The following TMCC3 variants were observed in gnomAD, a reference collection of about 807,000 sequenced individuals.
TMCC3 encodes transmembrane and coiled-coil domain family 3.
A neutral mutation model predicts 40.2 loss-of-function variants in TMCC3; 28 were observed. That is an observed-to-expected ratio of 0.70 (90% CI 0.52 to 0.95). TMCC3 has a LOEUF of 0.95. Ranked by LOEUF, TMCC3 falls within the 40% of genes least tolerant of loss-of-function variation. The pLI, the probability that TMCC3 is intolerant of heterozygous loss-of-function variation, is 0.00. For missense variants in TMCC3, 554 were observed against 615.2 expected (o/e 0.90, Z 1.05); for synonymous variants, 255 against 248.5 (o/e 1.03, Z -0.25).
At chr12:94,637,975 C>T (rs145893794) in intron 1 of TMCC3, among the ~76,000 whole-genome samples, 1 of 152,268 alleles carries the variant, frequency 6.6e-6, no homozygotes, top group East Asian at 1.9e-4. Context: ...GAGGATGGGG[C>T]AGGTACCCAC....
rs181499284 is a variant in TMCC3 at position 94,581,222 on chromosome 12, T to C, written c.995+400A>G. Among the ~76,000 whole-genome samples the C allele has an allele frequency of 2.8e-3, 424 of 152,360 alleles. 2 individuals carry two copies. The highest frequency in any genetic ancestry group is 5.2e-3 in the Non-Finnish European group (355 of 68,034). On this transcript the variant is annotated intron_variant, in intron 2 of 3. Coordinates refer to ENST00000261226, the MANE Select transcript of TMCC3 (RefSeq NM_020698.4). ...ATAGCTTGAAGGTAAAAGTGTACCA[T>C]ATTTTAAATAATTTTGTGCCTCAAG...
At position 94,632,872 on chromosome 12, in the gene TMCC3, C is replaced by T. The variant is rs148168736; in HGVS notation, c.78+17481G>A. Among the ~76,000 whole-genome samples the T allele has an allele frequency of 5.5e-3, 841 of 152,174 alleles. 8 individuals carry two copies. Among genetic ancestry groups the T allele is most frequent in the African/African-American group, 0.019 (792 of 41,518 alleles). On this transcript the variant is annotated intron_variant, in intron 1 of 3. Coordinates refer to ENST00000261226, the MANE Select transcript of TMCC3 (RefSeq NM_020698.4). ...ATGGTGTTCCAACACTTTGGGAAGC[C>T]GAGGCAGGCAGATCACTTGAGGTCA...
rs774498167 is a variant in TMCC3, at chr12:94,599,383, G to A, written c.79-16845C>T. On this transcript the variant is annotated intron_variant, in intron 1 of 3. Transcript: ENST00000261226. ...TCAACAGAAGCCAATCATTGTCCCCGCCGCCCCCACATGCACGGAGTATTT... is the reference window on the plus strand; with the variant it reads ...TCAACAGAAGCCAATCATTGTCCCCACCGCCCCCACATGCACGGAGTATTT... 2.0e-5 allele frequency among the ~76,000 whole-genome samples: 3 copies of A among 152,038 alleles called. No individual in the cohort carries two copies. The South Asian group carries it at 6.2e-4, about 31-fold the overall frequency.
Position 94,581,745 on chromosome 12 carries a change from A to C in TMCC3, c.872T>G (p.Leu291Arg). The change falls in exon 2 of 4, where the codon CTG (leucine) becomes CGG (arginine). Residue 291 changes from leucine (L) to arginine (R), a missense_variant. Physicochemically the swap from Leu to Arg is moderately radical, Grantham distance 102. Coordinates refer to ENST00000261226, the MANE Select transcript of TMCC3 (RefSeq NM_020698.4). The stretch of plus-strand genomic sequence containing the variant: ...ATCCTTGATCTCCCTCAGTTCCTCC[A>C]GGATCACGGCGAGCTTGCCCTGGCT... ...LDSQGKLAVI[L>R]EELREIKDTQ... 6.2e-7 allele frequency: 1 copy of C among 1,614,182 alleles called. No homozygotes were observed. The highest frequency in any genetic ancestry group is 1.1e-5 in the South Asian group (1 of 91,086).
chr12:94,646,915 G>A (rs747395244), intron 1 of TMCC3, among the ~76,000 whole-genome samples: 1 of 152,032 alleles, frequency 6.6e-6, no homozygotes, highest in African/African-American at 2.4e-5. Flanking sequence ...TACAACCCAC[G>A]TAGGTCCAGA....
At position 94,581,822 on chromosome 12, in the gene TMCC3, G is replaced by C. The variant is rs199809604; in HGVS notation, c.795C>G (p.Ala265=). 1.2e-6 allele frequency: 2 copies of C among 1,613,866 alleles called. No individual in the cohort carries two copies. The highest frequency in any genetic ancestry group is 1.7e-6 in the Non-Finnish European group (2 of 1,179,874). ...CAAACGACTGGTTTCCGTTACTGTC[G>C]GCCGAGCCTGACGTGCCACTCGAAC... ...DECSSGTSGS[A]DSNGNQSFGA... is the part of the protein sequence containing the mutation. The change falls in exon 2 of 4, where the codon GCC becomes GCG. Residue 265 remains alanine, a synonymous_variant. Coordinates refer to ENST00000261226, the MANE Select transcript of TMCC3 (RefSeq NM_020698.4).
At position 94,570,565 on chromosome 12, in the gene TMCC3, T is replaced by C. The variant is rs1335907318; in HGVS notation, c.*870A>G. The C allele has an allele frequency of 6.6e-6, 1 of 152,242 alleles. No individual in the cohort carries two copies. The highest frequency in any genetic ancestry group is 1.5e-5 in the Non-Finnish European group (1 of 68,042). The allele number at this position is 152,242 out of a possible 1,614,324, so 9.4% of individuals were successfully genotyped here. On this transcript the variant is annotated 3_prime_UTR_variant, in exon 4 of 4. Transcript: ENST00000261226. ...TGAAGCAAGGAGTTTGCAACCAGCC[T>C]GAGCAATATTTAGCAGAGCCCTGTC...
chr12:94,623,628 C>T (rs192638190), intron 1 of TMCC3, among the ~76,000 whole-genome samples: 33 of 152,382 alleles, frequency 2.2e-4, no homozygotes, highest in African/African-American at 7.0e-4. Context: ...AGTCTGGCTA[C>T]ACCCACGTAC....
At chr12:94,592,661 C>CA (rs869058316) in intron 1 of TMCC3, among the ~76,000 whole-genome samples, 3,143 of 27,404 alleles carry the variant, frequency 0.11, 412 homozygotes, top group East Asian at 0.25. Context: ...GGCTCCATCT[C>CA]AAAAAAAAAA....
chr12:94,644,560 G>C, intron 1 of TMCC3: 1 of 319,362 alleles, frequency 3.1e-6, no homozygotes. Context: ...CTGCAACAAA[G>C]TACAGCTCGA....
intron 1 of TMCC3, among the ~76,000 whole-genome samples, chr12:94,633,220 A>T (rs1566335327): frequency 6.6e-6 from 1 of 152,240 alleles, no homozygotes; most frequent in Non-Finnish European, 1.5e-5. Context: ...TAATACAATA[A>T]ATTGTTTATG....
chr12:94,632,156 G>C (rs1230728174), intron 1 of TMCC3, among the ~76,000 whole-genome samples: 1 of 152,202 alleles, frequency 6.6e-6, no homozygotes, highest in Non-Finnish European at 1.5e-5. Flanking sequence ...CAGAGAGAAG[G>C]CTGACTATAA....
chr12:94,644,734 T>C (rs1047729177), intron 1 of TMCC3, among the ~76,000 whole-genome samples: 2 of 152,210 alleles, frequency 1.3e-5, no homozygotes, highest in African/African-American at 4.8e-5. Flanking sequence ...CGGGTCAGTG[T>C]CCTCCAGGAC....
chr12:94,593,262 G>A (rs928131201), intron 1 of TMCC3, among the ~76,000 whole-genome samples: 3 of 150,260 alleles, frequency 2.0e-5, no homozygotes, highest in Non-Finnish European at 1.5e-5. Context: ...AGCTACTCAG[G>A]AGGCTGAGGC....
Position 94,650,425 on chromosome 12 carries a change from C to G in TMCC3, c.6G>C (p.Pro2=), listed in dbSNP as rs2069050875. The G allele has an allele frequency of 1.5e-6, 2 of 1,297,404 alleles. No homozygotes were observed. Among genetic ancestry groups the G allele is most frequent in the Non-Finnish European group, 2.0e-6 (2 of 1,017,618 alleles). 80.4% of individuals were successfully genotyped at this position (1,297,404 alleles called of 1,614,324 possible). A position where few individuals can be genotyped will look rare whatever the true frequency, so the allele number is the denominator to read the frequency against. M[P]GSDTALTVDR... is the part of the protein sequence containing the mutation. The stretch of plus-strand genomic sequence containing the variant: ...CCACGGTGAGCGCCGTGTCGCTGCC[C>G]GGCATCTCCGCGCTCCGGCCGCGAA... Residue 2 remains proline (P), a synonymous_variant, in exon 1 of 4, where the codon CCG becomes CCC. Coordinates refer to ENST00000261226, the MANE Select transcript of TMCC3 (RefSeq NM_020698.4).
intron 1 of TMCC3, among the ~76,000 whole-genome samples, chr12:94,642,809 G>A (rs1037039580): frequency 5.3e-5 from 8 of 152,202 alleles, no homozygotes; most frequent in African/African-American, 1.7e-4. Flanking sequence ...GTACTACACC[G>A]TTTAATTCTC....
chr12:94,610,833 A>C (rs2068811990), intron 1 of TMCC3, among the ~76,000 whole-genome samples: 1 of 152,020 alleles, frequency 6.6e-6, no homozygotes, highest in Non-Finnish European at 1.5e-5. Flanking sequence ...ACAATTGTAT[A>C]CTCTATGTGT....
chr12:94,615,799 T>G, intron 1 of TMCC3: 1 of 477,376 alleles, frequency 2.1e-6, no homozygotes, highest in Non-Finnish European at 2.7e-6. Flanking sequence ...CAAAGATAAC[T>G]ATTAAGAGCA....
At chr12:94,622,508 G>A (rs2068880947) in intron 1 of TMCC3, among the ~76,000 whole-genome samples, 1 of 152,104 alleles carries the variant, frequency 6.6e-6, no homozygotes, top group Non-Finnish European at 1.5e-5. Flanking sequence ...AGAAGTAGAT[G>A]GATTTCTTTT....
Sources: gnomAD v4.1 joint callset for allele counts (sites outside exome capture counted in the v4.1 genomes callset) on GRCh38, gnomAD v4.1.1 for gene constraint, MANE v1.5 for transcripts, NCBI Gene and HGNC (gene_info 2026-07-23, HGNC 2026-07-21) for gene names.